The following PFKP variants were observed in gnomAD, a reference collection of about 807,000 sequenced individuals.
PFKP encodes the protein ATP-dependent 6-phosphofructokinase, platelet type.
In PFKP, 101 loss-of-function variants were observed where a neutral mutation model predicts 94.3. The ratio of observed to expected loss-of-function variants is 1.07; its 90% confidence interval spans 0.91 to 1.26. The LOEUF is 1.26. Among genes scored for constraint, PFKP ranks in the 50% most tolerant of loss-of-function variants. The pLI is 0.00. For missense variants in PFKP, 1,145 were observed against 1,103.3 expected (o/e 1.04, Z -0.53); for synonymous variants, 573 against 432.6 (o/e 1.32, Z -4.03).
rs527628297 is a variant in PFKP, at chr10:3,105,067, T to G, written c.621-48T>G. ...GGACTGAGTGGGTGCTCCCTCTGTTTCTCTGCTTTCTGAGCTGTGTCCGGG... is the reference window on the plus strand; with the variant it reads ...GGACTGAGTGGGTGCTCCCTCTGTTGCTCTGCTTTCTGAGCTGTGTCCGGG... On this transcript the variant is annotated intron_variant, in intron 5 of 21. Coordinates refer to ENST00000381125, the MANE Select transcript of PFKP (RefSeq NM_002627.5). 9.5e-6 allele frequency: 15 copies of G among 1,586,786 alleles called. No homozygotes were observed. The African/African-American group carries it at 1.5e-4, about 16-fold the overall frequency.
chr10:3,131,000 T>A (rs1166046475), intron 17 of PFKP, among the ~76,000 whole-genome samples: 1 of 152,054 alleles, frequency 6.6e-6, no homozygotes, highest in Non-Finnish European at 1.5e-5. Flanking sequence ...CACTGCATCA[T>A]GATGTTTCTG....
In PFKP at chr10:3,136,624, TTTTTGTAACAC is replaced by T; in HGVS notation, c.*48_*58del. ...GCCTGCAGCCACCGTGGACTGTCTG[TTTTTGTAACAC>T]TTAAGTTATTTTATCAGCACTTTAT... On this transcript the variant is annotated 3_prime_UTR_variant, in exon 22 of 22. Transcript: ENST00000381125. The T allele has an allele frequency of 6.3e-7, 1 of 1,592,256 alleles. No homozygotes were observed. Among genetic ancestry groups the T allele is most frequent in the South Asian group, 1.1e-5 (1 of 89,310 alleles).
At chr10:3,093,128 A>G (rs1834187549) in intron 2 of PFKP, among the ~76,000 whole-genome samples, 1 of 151,684 alleles carries the variant, frequency 6.6e-6, no homozygotes, top group Non-Finnish European at 1.5e-5. Flanking sequence ...CTGGCCGTGG[A>G]AACTAGTTGG....
chr10:3,079,724 C>CA (rs1391747883), intron 1 of PFKP, among the ~76,000 whole-genome samples: 2 of 148,284 alleles, frequency 1.3e-5, no homozygotes, highest in Non-Finnish European at 3.0e-5. Context: ...TGTGCTCCTG[C>CA]ATCACCTGCT....
chr10:3,081,097 T>C (rs369686839), intron 1 of PFKP, among the ~76,000 whole-genome samples: 25 of 152,328 alleles, frequency 1.6e-4, no homozygotes, highest in African/African-American at 4.8e-4. Context: ...AATATATATA[T>C]ACACACATAC....
At chr10:3,093,083 G>A (rs1834182079) in intron 2 of PFKP, among the ~76,000 whole-genome samples, 1 of 152,096 alleles carries the variant, frequency 6.6e-6, no homozygotes, top group African/African-American at 2.4e-5. Flanking sequence ...GACCACGGAA[G>A]CCTGAGCTCC....
chr10:3,131,007 T>C (rs534135827), intron 17 of PFKP, among the ~76,000 whole-genome samples: 2 of 152,354 alleles, frequency 1.3e-5, no homozygotes, highest in South Asian at 4.1e-4. Context: ...TCATGATGTT[T>C]CTGTCAACAG....
chr10:3,127,330 C>G (rs1043829696), intron 16 of PFKP, among the ~76,000 whole-genome samples: 1 of 152,206 alleles, frequency 6.6e-6, no homozygotes, highest in African/African-American at 2.4e-5. Flanking sequence ...CTGGCGGGAC[C>G]AGAACTCAGA....
Position 3,074,017 on chromosome 10 carries a change from C to T in PFKP, c.112+6310C>T, listed in dbSNP as rs796092641. Among the ~76,000 whole-genome samples the T allele has an allele frequency of 7.9e-5, 12 of 152,126 alleles. 1 individual carries two copies. The highest frequency in any genetic ancestry group is 2.9e-4 in the African/African-American group (12 of 41,502). On this transcript the variant is annotated intron_variant, in intron 1 of 21. Transcript: ENST00000381125. ...CATGCTCACCTGATCTTTTTTGTATCGTTAGTAGAGATGGGTTTCACCGTG... is the reference window on the plus strand; with the variant it reads ...CATGCTCACCTGATCTTTTTTGTATTGTTAGTAGAGATGGGTTTCACCGTG...
intron 2 of PFKP, among the ~76,000 whole-genome samples, chr10:3,095,329 A>G (rs1039918170): frequency 1.3e-5 from 2 of 151,872 alleles, no homozygotes; most frequent in South Asian, 2.1e-4. Flanking sequence ...CCACCTCTAC[A>G]TATAGAATGA....
intron 1 of PFKP, among the ~76,000 whole-genome samples, chr10:3,068,219 G>A (rs569041193): frequency 6.6e-6 from 1 of 152,204 alleles, no homozygotes; most frequent in Non-Finnish European, 1.5e-5. Flanking sequence ...GAATGTCGAG[G>A]AAGAAACGGC....
rs765870146 is a variant in PFKP at position 3,118,878 on chromosome 10, C to G, written c.1530+9C>G. The G allele has an allele frequency of 5.6e-6, 9 of 1,605,898 alleles. No individual in the cohort carries two copies. The highest frequency in any genetic ancestry group is 1.7e-5 in the Admixed American group (1 of 59,752). The stretch of plus-strand genomic sequence containing the variant: ...TCATCGGTGGATTCGAGGTACGTTA[C>G]CGTTTCTCTCTTGCCGGTCTTGCAG... On this transcript the variant is annotated intron_variant, in intron 15 of 21. Coordinates refer to ENST00000381125, the MANE Select transcript of PFKP (RefSeq NM_002627.5).
At chr10:3,136,424 A>G in intron 21 of PFKP, 26 bp from the exon 22 acceptor site, 1 of 1,612,518 alleles carries the variant, frequency 6.2e-7, no homozygotes. Flanking sequence ...TGCAGGCCTC[A>G]CTGCTGTCTC....
At chr10:3,090,073 C>T (rs544142234) in intron 2 of PFKP, among the ~76,000 whole-genome samples, 12 of 152,324 alleles carry the variant, frequency 7.9e-5, no homozygotes, top group Admixed American at 7.8e-4. Flanking sequence ...TGACAGGATT[C>T]ATTCTTTTTT....
intron 1 of PFKP, among the ~76,000 whole-genome samples, chr10:3,080,453 C>T (rs1333945105): frequency 7.3e-6 from 1 of 136,264 alleles, no homozygotes; most frequent in Admixed American, 8.3e-5. Flanking sequence ...GGAGGCGGAG[C>T]TTGCAGTGAG....
At chr10:3,119,775 ATGCC>A in intron 15 of PFKP, 113 bp from the exon 16 acceptor site, 2 of 627,786 alleles carry the variant, frequency 3.2e-6, no homozygotes, top group South Asian at 2.4e-5. Context: ...TGTTTTCGTG[ATGCC>A]CCAGTGTGCT....
intron 2 of PFKP, among the ~76,000 whole-genome samples, chr10:3,090,908 C>G (rs1833997085): frequency 6.6e-6 from 1 of 152,128 alleles, no homozygotes; most frequent in Non-Finnish European, 1.5e-5. Context: ...TAACCTAGAG[C>G]TCTCTGGGTT....
In PFKP at chr10:3,105,420, C is replaced by T; in HGVS notation, c.693C>T (p.Ala231=). The T allele has an allele frequency of 6.2e-7, 1 of 1,613,970 alleles. No individual in the cohort carries two copies. The highest frequency in any genetic ancestry group is 8.5e-7 in the Non-Finnish European group (1 of 1,179,944). ...ACCTGGCCCTGGTGAGTGCCTTGGC[C>T]TGCGGTGCGGACTGGGTGTTCCTTC... The part of the protein sequence containing the change: ...CGYLALVSAL[A]CGADWVFLPE... Residue 231 remains alanine, a synonymous_variant, in exon 7 of 22, where the codon GCC becomes GCT. Coordinates refer to ENST00000381125, the MANE Select transcript of PFKP (RefSeq NM_002627.5).
chr10:3,079,063 C>T (rs912410370), intron 1 of PFKP, among the ~76,000 whole-genome samples: 8 of 152,172 alleles, frequency 5.3e-5, no homozygotes, highest in Admixed American at 1.3e-4. Context: ...GTGCTGCGGC[C>T]GCTGATGGTG....
Sources: allele counts gnomAD v4.1 joint callset (sites outside exome capture counted in the v4.1 genomes callset), GRCh38; gene constraint gnomAD v4.1.1; transcripts MANE v1.5; gene names NCBI Gene and HGNC (gene_info 2026-07-23, HGNC 2026-07-21).